UBE2L3: variants seen among roughly 807,000 people sequenced by gnomAD.
UBE2L3 encodes ubiquitin-conjugating enzyme E2 L3.
Under a neutral mutation model 17.8 loss-of-function variants are expected in UBE2L3, and 1 was observed. The observed-to-expected ratio is 0.06, with a 90% CI of 0.02 to 0.27. The LOEUF is 0.27. Among genes scored for constraint, UBE2L3 ranks in the 10% least tolerant of loss-of-function variants. The probability of loss-of-function intolerance (pLI) is 1.00; values close to 1 mark genes in which losing one functional copy is unlikely to be tolerated. For synonymous variants in UBE2L3, 44 were observed against 68.5 expected (o/e 0.64, Z 1.76); for missense variants, 40 against 192.6 (o/e 0.21, Z 4.69).
intron 1 of UBE2L3, among the ~76,000 whole-genome samples, chr22:21,581,795 TG>T (rs1927652083): frequency 6.8e-6 from 1 of 146,280 alleles, no homozygotes; most frequent in East Asian, 2.0e-4. Flanking sequence ...ATAGTGTAAC[TG>T]TCTCAAAAAA....
chr22:21,569,823 A>G (rs935205899), intron 1 of UBE2L3, among the ~76,000 whole-genome samples: 1 of 152,200 alleles, frequency 6.6e-6, no homozygotes, highest in African/African-American at 2.4e-5. Flanking sequence ...TGTCGATGAG[A>G]AAAGATTCTT....
At chr22:21,584,132 C>T (rs1927803122) in intron 1 of UBE2L3, among the ~76,000 whole-genome samples, 1 of 152,090 alleles carries the variant, frequency 6.6e-6, no homozygotes, top group South Asian at 2.1e-4. Context: ...GCCTTGGCCT[C>T]CCAAAGTGCT....
chr22:21,584,251 C>T (rs1254921678), intron 1 of UBE2L3, among the ~76,000 whole-genome samples: 1 of 145,748 alleles, frequency 6.9e-6, no homozygotes, highest in Non-Finnish European at 1.5e-5. Context: ...GATCTCAGCT[C>T]ACTGCAACCT....
chr22:21,608,733 T>C (rs1929308949), intron 2 of UBE2L3, among the ~76,000 whole-genome samples: 1 of 146,918 alleles, frequency 6.8e-6, no homozygotes, highest in African/African-American at 2.5e-5. Context: ...CCCAGGCTAA[T>C]ATATTTAATT....
intron 1 of UBE2L3, chr22:21,568,103 T>G: frequency 8.9e-7 from 1 of 1,122,452 alleles, no homozygotes; most frequent in Non-Finnish European, 1.1e-6. Flanking sequence ...GAGAGCCCGG[T>G]TGGGAGGCTC....
chr22:21,556,479 G>C (rs1926229794), intron 1 of UBE2L3, among the ~76,000 whole-genome samples: 1 of 152,242 alleles, frequency 6.6e-6, no homozygotes, highest in African/African-American at 2.4e-5. Flanking sequence ...ATCCAGGCTG[G>C]AGTGCAGTGG....
At chr22:21,587,441 A>G (rs902434135) in intron 1 of UBE2L3, among the ~76,000 whole-genome samples, 2 of 152,122 alleles carry the variant, frequency 1.3e-5, no homozygotes, top group Non-Finnish European at 2.9e-5. Context: ...GGCCTCCCAA[A>G]GTGCTGGGAT....
At chr22:21,557,063 A>G (rs924327933) in intron 1 of UBE2L3, among the ~76,000 whole-genome samples, 19 of 152,342 alleles carry the variant, frequency 1.2e-4, no homozygotes, top group African/African-American at 4.1e-4. Flanking sequence ...CAAAAAAAAA[A>G]GAAAAAAAAA....
At chr22:21,613,529 G>T (rs981259415) in intron 3 of UBE2L3, among the ~76,000 whole-genome samples, 2 of 152,164 alleles carry the variant, frequency 1.3e-5, no homozygotes, top group Non-Finnish European at 2.9e-5. Context: ...ATTGTTTGTG[G>T]CATGGCCTTG....
chr22:21,563,319 A>G (rs991271278), upstream of UBE2L3, among the ~76,000 whole-genome samples: 2 of 150,720 alleles, frequency 1.3e-5, no homozygotes, highest in African/African-American at 4.9e-5. Context: ...TGGGAGGCCA[A>G]GTCGGGCAGA....
At chr22:21,585,237 TG>T (rs534028768) in intron 1 of UBE2L3, among the ~76,000 whole-genome samples, 91 of 152,302 alleles carry the variant, frequency 6.0e-4, no homozygotes, top group Non-Finnish European at 9.6e-4. Context: ...ACGCTAAACA[TG>T]GCACAAACGA....
intron 1 of UBE2L3, chr22:21,568,035 C>T: frequency 7.7e-7 from 1 of 1,294,226 alleles, no homozygotes; most frequent in Non-Finnish European, 9.8e-7. Context: ...CCGCCCGGAG[C>T]TTGGCCGCGT....
intron 1 of UBE2L3, among the ~76,000 whole-genome samples, chr22:21,582,174 G>C (rs896586577): frequency 1.3e-5 from 2 of 151,786 alleles, no homozygotes; most frequent in African/African-American, 4.8e-5. Context: ...ACAACGTCTG[G>C]GTTTCGGTGC....
At chr22:21,574,068 A>G (rs1452566443) in intron 1 of UBE2L3, among the ~76,000 whole-genome samples, 2 of 152,172 alleles carry the variant, frequency 1.3e-5, no homozygotes, top group Non-Finnish European at 2.9e-5. Flanking sequence ...ATCCAGGAGA[A>G]GTGGCATGCC....
At chr22:21,576,112 C>CTTT (rs35221203) in intron 1 of UBE2L3, among the ~76,000 whole-genome samples, 19 of 117,152 alleles carry the variant, frequency 1.6e-4, no homozygotes, top group African/African-American at 5.7e-4. Flanking sequence ...TTGAAAGCAA[C>CTTT]TTTTTTTTTT....
upstream of UBE2L3, chr22:21,567,649 G>A (rs1926698911): frequency 6.5e-7 from 1 of 1,546,188 alleles, no homozygotes; most frequent in African/African-American, 1.4e-5. Context: ...CCTGTGCCCC[G>A]CCCCGCGGCC....
In UBE2L3 at chr22:21,582,173, G is replaced by C. The variant is rs539481108; in HGVS notation, c.28-10688G>C. 1.7e-3 allele frequency among the ~76,000 whole-genome samples: 263 copies of C among 151,662 alleles called. 3 individuals carry two copies. The highest frequency in any genetic ancestry group is 2.5e-3 in the Non-Finnish European group (169 of 67,886). ...AAAAAAACAGTTCAGAACAACGTCT[G>C]GGTTTCGGTGCTTATAGACTTGTAG... is the stretch of plus-strand genomic sequence containing the variant. On this transcript the variant is annotated intron_variant, in intron 1 of 3. Transcript: ENST00000342192.
chr22:21,595,222 ACTT>A (rs1928450290), intron 2 of UBE2L3, among the ~76,000 whole-genome samples: 1 of 151,888 alleles, frequency 6.6e-6, no homozygotes, highest in African/African-American at 2.4e-5. Context: ...TGTGTATACC[ACTT>A]CTTCTCGGTC....
At position 21,622,064 on chromosome 22, in the gene UBE2L3, T is replaced by G. The variant is rs1361358212; in HGVS notation, c.*395T>G. The G allele has an allele frequency of 5.4e-6, 1 of 185,826 alleles. No homozygotes were observed. Among genetic ancestry groups the G allele is most frequent in the Non-Finnish European group, 1.1e-5 (1 of 90,310 alleles). 11.5% of individuals were successfully genotyped at this position (185,826 alleles called of 1,614,324 possible). On this transcript the variant is annotated 3_prime_UTR_variant, in exon 4 of 4. Transcript: ENST00000342192. ...CACTCCCACTTTCTGGCACCGAGTT[T>G]ATTTTTCACTTACTTACTTCCCCAG...
Sources: gnomAD v4.1 joint callset for allele counts (sites outside exome capture counted in the v4.1 genomes callset) on GRCh38, gnomAD v4.1.1 for gene constraint, MANE v1.5 for transcripts, NCBI Gene and HGNC (gene_info 2026-07-23, HGNC 2026-07-21) for gene names.